TMED10: variants seen among roughly 807,000 people sequenced by gnomAD.
The protein encoded by TMED10 is transmembrane p24 trafficking protein 10, also known as transmembrane emp24 domain-containing protein 10.
A neutral mutation model predicts 23.1 loss-of-function variants in TMED10; 7 were observed. That is an observed-to-expected ratio of 0.30 (90% CI 0.17 to 0.57). The LOEUF is 0.57. Ranked by LOEUF, TMED10 falls within the 20% of genes least tolerant of loss-of-function variation. TMED10 has a pLI of 0.91. For missense variants in TMED10, 162 were observed against 274.8 expected (o/e 0.59, Z 2.90); for synonymous variants, 113 against 106.9 (o/e 1.06, Z -0.35).
At chr14:75,172,015 G>A (rs538699762) in intron 1 of TMED10, among the ~76,000 whole-genome samples, 93 of 152,038 alleles carry the variant, frequency 6.1e-4, no homozygotes, top group Admixed American at 8.5e-4. Context: ...GTGTGCCATG[G>A]TGGTTTGCTG....
chr14:75,137,218 G>A (rs1895760738), intron 3 of TMED10, among the ~76,000 whole-genome samples: 1 of 150,834 alleles, frequency 6.6e-6, no homozygotes, highest in Non-Finnish European at 1.5e-5. Context: ...CACCATGTTG[G>A]TCAGGATGGT....
intron 2 of TMED10, among the ~76,000 whole-genome samples, chr14:75,151,231 AT>A (rs1895953079): frequency 7.3e-6 from 1 of 136,698 alleles, no homozygotes; most frequent in African/African-American, 2.8e-5. Flanking sequence ...GTTGTTGTTT[AT>A]TTTTTTGAGA....
intron 2 of TMED10, among the ~76,000 whole-genome samples, chr14:75,151,178 T>C (rs993780125): frequency 6.6e-5 from 10 of 151,738 alleles, no homozygotes; most frequent in African/African-American, 2.4e-4. Flanking sequence ...CTGCTGGGAT[T>C]ACAAGCGTGA....
intron 1 of TMED10, among the ~76,000 whole-genome samples, chr14:75,159,805 T>C (rs138634000): frequency 1.0e-3 from 156 of 152,290 alleles, no homozygotes; most frequent in African/African-American, 3.4e-3. Flanking sequence ...CTCTACCACA[T>C]TGTACTGAGG....
In TMED10 at chr14:75,176,535, C is replaced by G. The variant is rs747486630; in HGVS notation, c.45G>C (p.Pro15=). 1 of 1,614,152 alleles carries G rather than the reference C, an allele frequency of 6.2e-7. No homozygotes were observed. The highest frequency in any genetic ancestry group is 8.5e-7 in the Non-Finnish European group (1 of 1,180,022). ...SGPPARRGPF[P]LALLLLFLLG... ...GCAGGAACAAAAGCAGCAACGCTAA[C>G]GGAAAAGGGCCGCGCCGGGCTGGTG... Residue 15 remains proline, a synonymous_variant, in exon 1 of 5, where the codon CCG becomes CCC. Transcript: ENST00000303575.
intron 1 of TMED10, among the ~76,000 whole-genome samples, chr14:75,164,597 A>G (rs370570750): frequency 1.8e-4 from 11 of 60,138 alleles, no homozygotes; most frequent in African/African-American, 7.3e-4. Context: ...TTTTTTTTGT[A>G]TTTTTAGAAG....
chr14:75,161,257 C>T (rs1896082407), intron 1 of TMED10, among the ~76,000 whole-genome samples: 1 of 152,066 alleles, frequency 6.6e-6, no homozygotes, highest in South Asian at 2.1e-4. Context: ...TGCTCTCATT[C>T]CTTTACCAAA....
intron 1 of TMED10, among the ~76,000 whole-genome samples, chr14:75,154,401 CAAAAA>C (rs1166201835): frequency 4.6e-4 from 7 of 15,250 alleles, no homozygotes; most frequent in Non-Finnish European, 7.7e-4. Flanking sequence ...GACTCTGTCT[CAAAAA>C]AAAAAAAAAA....
At chr14:75,141,031 T>A (rs1895815899) in intron 3 of TMED10, among the ~76,000 whole-genome samples, 1 of 152,246 alleles carries the variant, frequency 6.6e-6, no homozygotes, top group Admixed American at 6.5e-5. Flanking sequence ...TCTGAGTTCT[T>A]ATTATGTGCA....
chr14:75,166,658 C>T (rs370087337), intron 1 of TMED10, among the ~76,000 whole-genome samples: 5 of 152,052 alleles, frequency 3.3e-5, no homozygotes, highest in Admixed American at 2.6e-4. Context: ...TGGAGAAGGA[C>T]GCAAAGGTCA....
chr14:75,153,777 C>CTTT (rs59328978), intron 1 of TMED10, among the ~76,000 whole-genome samples: 1 of 131,752 alleles, frequency 7.6e-6, no homozygotes, highest in Admixed American at 8.5e-5. Context: ...TTTTTTTTCC[C>CTTT]TTTTTTTTTT....
intron 1 of TMED10, among the ~76,000 whole-genome samples, chr14:75,156,019 C>A (rs1896015697): frequency 1.3e-5 from 2 of 152,172 alleles, no homozygotes; most frequent in South Asian, 4.1e-4. Context: ...CTGGCCCAAT[C>A]ATGTAGAACT....
chr14:75,147,185 G>GTTTTTTTTTTGTT (rs1491353231), intron 3 of TMED10, among the ~76,000 whole-genome samples: 2 of 116,634 alleles, frequency 1.7e-5, no homozygotes, highest in African/African-American at 7.6e-5. Flanking sequence ...CTTCAAGGCT[G>GTTTTTTTTTTGTT]TTTTTTTTTT....
intron 1 of TMED10, among the ~76,000 whole-genome samples, chr14:75,172,311 C>CTT (rs571301119): frequency 1.2e-3 from 167 of 143,354 alleles, no homozygotes; most frequent in African/African-American, 3.8e-3. Flanking sequence ...AATCATTGTT[C>CTT]TTTTTTTTTT....
At chr14:75,165,094 C>T (rs1262210656) in intron 1 of TMED10, among the ~76,000 whole-genome samples, 1 of 152,082 alleles carries the variant, frequency 6.6e-6, no homozygotes, top group Non-Finnish European at 1.5e-5. Context: ...ATTATCTCTA[C>T]TCTTCATAAG....
chr14:75,162,611 G>T (rs1896098499), intron 1 of TMED10, among the ~76,000 whole-genome samples: 2 of 151,820 alleles, frequency 1.3e-5, no homozygotes, highest in African/African-American at 4.8e-5. Context: ...TAGAAAGGGG[G>T]AAAAAAGAGT....
At chr14:75,164,559 ATATATATATATATATATATTTTTTT>A (rs1445007905) in intron 1 of TMED10, among the ~76,000 whole-genome samples, 19 of 32,194 alleles carry the variant, frequency 5.9e-4, no homozygotes, top group African/African-American at 3.3e-3. Context: ...ATATATATAT[ATATATATATATATATATATTTTTTT>A]TTTTTTTTTT....
intron 1 of TMED10, among the ~76,000 whole-genome samples, chr14:75,160,394 AT>A (rs147481722): frequency 0.012 from 1,886 of 152,330 alleles, 40 homozygotes; most frequent in African/African-American, 0.044. Context: ...GGCTAAAAAA[AT>A]AAAATGATAG....
rs1320848750 is a variant in TMED10 at position 75,147,866 on chromosome 14, C to T, written c.338-129G>A. The T allele has an allele frequency of 1.3e-5, 11 of 832,722 alleles. 1 individual carries two copies. Among genetic ancestry groups the T allele is most frequent in the Non-Finnish European group, 2.1e-5 (11 of 530,602 alleles). The allele number at this position is 832,722 out of a possible 1,614,324, so 51.6% of individuals were successfully genotyped here. On this transcript the variant is annotated intron_variant, in intron 2 of 4. Coordinates refer to ENST00000303575, the MANE Select transcript of TMED10 (RefSeq NM_006827.6). ...TAGAGGGAAACAGCCACAACTCCTC[C>T]CCCTGCTCAGTTGCAGAAAATTCCT...
Sources: gnomAD v4.1 joint callset for allele counts (sites outside exome capture counted in the v4.1 genomes callset) on GRCh38, gnomAD v4.1.1 for gene constraint, MANE v1.5 for transcripts, NCBI Gene and HGNC (gene_info 2026-07-23, HGNC 2026-07-21) for gene names.